BRINP3: variants seen among roughly 807,000 people sequenced by gnomAD.
BRINP3 encodes BMP/retinoic acid-inducible neural-specific protein 3.
Under a neutral mutation model 71.0 loss-of-function variants are expected in BRINP3, and 19 were observed. That is an observed-to-expected ratio of 0.27 (90% CI 0.19 to 0.39). BRINP3 has a LOEUF of 0.39. BRINP3 is among the 10% of genes least tolerant of loss of function. The pLI is 1.00. For missense variants in BRINP3, 959 were observed against 940.8 expected (o/e 1.02, Z -0.25); for synonymous variants, 380 against 337.7 (o/e 1.13, Z -1.37).
At chr1:190,214,428 G>A (rs1054790003) in intron 6 of BRINP3, among the ~76,000 whole-genome samples, 3 of 152,002 alleles carry the variant, frequency 2.0e-5, no homozygotes, top group African/African-American at 7.2e-5. Context: ...AATGCGTCCT[G>A]CATCTGGGAA....
intron 3 of BRINP3, among the ~76,000 whole-genome samples, chr1:190,278,107 A>C (rs1250506252): frequency 1.3e-5 from 2 of 151,702 alleles, no homozygotes; most frequent in African/African-American, 4.8e-5. Context: ...AATAACTCTT[A>C]GGGGAAAAAG....
chr1:190,462,057 C>T (rs1676434856), intron 1 of BRINP3, among the ~76,000 whole-genome samples: 3 of 152,078 alleles, frequency 2.0e-5, no homozygotes, highest in Admixed American at 6.6e-5. Context: ...GAATTATAGG[C>T]ATGCACCATC....
In BRINP3 at chr1:190,307,274, T is replaced by TG. The variant is rs1272398082; in HGVS notation, c.237-25525_237-25524insC. On this transcript the variant is annotated intron_variant, in intron 2 of 7. Coordinates refer to ENST00000367462, the MANE Select transcript of BRINP3 (RefSeq NM_199051.3). ...TAAAACATTGTTTTTTTTTTTTTTT[T>TG]TTTTTTTTTTTTGAGACAGAGTCTC... 1.3e-4 allele frequency among the ~76,000 whole-genome samples: 17 copies of TG among 127,946 alleles called. 1 individual carries two copies. The highest frequency in any genetic ancestry group is 2.8e-4 in the South Asian group (1 of 3,616). 83.9% of individuals were successfully genotyped at this position (127,946 alleles called of 152,430 possible).
At chr1:190,411,152 A>G (rs908718985) in intron 2 of BRINP3, among the ~76,000 whole-genome samples, 1 of 152,130 alleles carries the variant, frequency 6.6e-6, no homozygotes, top group Non-Finnish European at 1.5e-5. Context: ...CATACCATAC[A>G]TTAATGAACC....
intron 2 of BRINP3, among the ~76,000 whole-genome samples, chr1:190,449,628 T>C (rs555120690): frequency 6.6e-6 from 1 of 152,124 alleles, no homozygotes; most frequent in South Asian, 2.1e-4. Context: ...TTATGTGGAA[T>C]AGAGAGGGCT....
intron 2 of BRINP3, among the ~76,000 whole-genome samples, chr1:190,336,844 TTCCTTCCTTCCCTCCTTCCTTCCTTCCC>T (rs1355793723): frequency 1.6e-5 from 2 of 123,176 alleles, no homozygotes; most frequent in Admixed American, 1.9e-4. Context: ...CCCTCCTTCC[TTCCTTCCTTCCCTCCTTCCTTCCTTCCC>T]TCCTTCCTTC....
At chr1:190,463,141 A>C (rs563760152) in intron 1 of BRINP3, among the ~76,000 whole-genome samples, 1 of 151,962 alleles carries the variant, frequency 6.6e-6, no homozygotes, top group Non-Finnish European at 1.5e-5. Context: ...TTGTAAGATT[A>C]ATCCAGTAGG....
intron 2 of BRINP3, among the ~76,000 whole-genome samples, chr1:190,421,291 C>CATTATTATTATT (rs78369563): frequency 1.7e-4 from 22 of 132,060 alleles, no homozygotes; most frequent in East Asian, 4.4e-4. Context: ...ACAAGATTCT[C>CATTATTATTATT]ATTATTATTA....
intron 2 of BRINP3, among the ~76,000 whole-genome samples, chr1:190,334,352 G>A (rs963507175): frequency 6.6e-6 from 1 of 151,834 alleles, no homozygotes; most frequent in Non-Finnish European, 1.5e-5. Context: ...CCATCATAAT[G>A]TGGAATTTTG....
At chr1:190,257,415 C>T (rs1034333626) in intron 4 of BRINP3, among the ~76,000 whole-genome samples, 3 of 152,008 alleles carry the variant, frequency 2.0e-5, no homozygotes, top group African/African-American at 7.2e-5. Context: ...TTTTAGCTTC[C>T]TTGCGATGGG....
chr1:190,345,731 A>AG (rs1667978318), intron 2 of BRINP3, among the ~76,000 whole-genome samples: 1 of 150,994 alleles, frequency 6.6e-6, no homozygotes, highest in African/African-American at 2.4e-5. Flanking sequence ...AAAAAAAAAA[A>AG]AGAACACTTG....
At chr1:190,368,466 C>T (rs1669649248) in intron 2 of BRINP3, among the ~76,000 whole-genome samples, 1 of 149,644 alleles carries the variant, frequency 6.7e-6, no homozygotes, top group Non-Finnish European at 1.5e-5. Context: ...TATTAAAAGC[C>T]CGTGCCCTTA....
chr1:190,288,768 C>T (rs150597142), intron 2 of BRINP3, among the ~76,000 whole-genome samples: 2,142 of 151,426 alleles, frequency 0.014, 25 homozygotes, highest in Non-Finnish European at 0.021. Flanking sequence ...TAAGGTAATG[C>T]GATTTTGTGG....
At chr1:190,448,044 A>G (rs1013599493) in intron 2 of BRINP3, among the ~76,000 whole-genome samples, 1 of 151,678 alleles carries the variant, frequency 6.6e-6, no homozygotes, top group Non-Finnish European at 1.5e-5. Context: ...TTAGAGCACT[A>G]TTTTATGTTT....
intron 1 of BRINP3, among the ~76,000 whole-genome samples, chr1:190,455,712 T>A (rs1399894620): frequency 6.6e-6 from 1 of 152,122 alleles, no homozygotes; most frequent in Admixed American, 6.5e-5. Flanking sequence ...TGTGCATCTG[T>A]CTTATTCATA....
At chr1:190,448,940 A>T (rs1277283006) in intron 2 of BRINP3, among the ~76,000 whole-genome samples, 2 of 151,790 alleles carry the variant, frequency 1.3e-5, no homozygotes, top group Non-Finnish European at 2.9e-5. Context: ...TTTAAACTTA[A>T]TTTTTCTGGT....
intron 2 of BRINP3, among the ~76,000 whole-genome samples, chr1:190,390,108 G>A (rs998453716): frequency 1.3e-5 from 2 of 151,718 alleles, no homozygotes; most frequent in Non-Finnish European, 2.9e-5. Context: ...GAAGGTGAGA[G>A]GGGGTGAGAA....
chr1:190,332,049 G>GC (rs1666999510), intron 2 of BRINP3, among the ~76,000 whole-genome samples: 1 of 151,562 alleles, frequency 6.6e-6, no homozygotes. Context: ...TGTTAATCTG[G>GC]CCATTTACAA....
intron 4 of BRINP3, among the ~76,000 whole-genome samples, chr1:190,234,722 C>A (rs994863808): frequency 6.6e-6 from 1 of 151,990 alleles, no homozygotes; most frequent in African/African-American, 2.4e-5. Context: ...TGCATGCCAT[C>A]TTTGTTCAAA....
Sources: gnomAD v4.1 joint callset for allele counts (sites outside exome capture counted in the v4.1 genomes callset) on GRCh38, gnomAD v4.1.1 for gene constraint, MANE v1.5 for transcripts, NCBI Gene and HGNC (gene_info 2026-07-23, HGNC 2026-07-21) for gene names.